Variants in ACSL3 observed in about 807,000 individuals in gnomAD.
ACSL3 encodes the protein acyl-CoA synthetase long chain family member 3, also known as fatty acid CoA ligase Acsl3.
ACSL3 carries 34 observed loss-of-function variants against 84.7 expected under a neutral mutation model. The observed-to-expected ratio is 0.40, with a 90% CI of 0.31 to 0.53. The LOEUF is 0.53. Among genes scored for constraint, ACSL3 ranks in the 20% least tolerant of loss-of-function variants. The pLI, the probability that ACSL3 is intolerant of heterozygous loss-of-function variation, is 0.48. For synonymous variants in ACSL3, 315 were observed against 299.4 expected, an observed-to-expected ratio of 1.05 and a Z score of -0.54; for missense variants, 680 against 873.1, an observed-to-expected ratio of 0.78 and a Z score of 2.79.
intron 3 of ACSL3, among the ~76,000 whole-genome samples, chr2:222,906,079 T>C (rs1696284502): frequency 6.6e-6 from 1 of 152,228 alleles, no homozygotes; most frequent in Non-Finnish European, 1.5e-5. Flanking sequence ...TTTTAGATAG[T>C]ATTTTGTAGC....
At position 222,919,075 on chromosome 2, in the gene ACSL3, T is replaced by C; in HGVS notation, c.678T>C (p.Ser226=). The C allele has an allele frequency of 6.2e-7, 1 of 1,613,710 alleles. No homozygotes were observed. The highest frequency in any genetic ancestry group is 8.5e-7 in the Non-Finnish European group (1 of 1,179,824). ...TGGTGTATTTCTAGGATATAGTTTC[T>C]TTGGTCCCACGCCTGCGGCACATCA... ...LLQTKLKDIV[S]LVPRLRHIIT... The change falls in exon 7 of 17, where the codon TCT becomes TCC. Residue 226 remains serine (S), a synonymous_variant. Transcript: ENST00000357430.
At chr2:222,878,884 G>A (rs997867073) in intron 1 of ACSL3, among the ~76,000 whole-genome samples, 1 of 152,186 alleles carries the variant, frequency 6.6e-6, no homozygotes, top group Admixed American at 6.5e-5. Flanking sequence ...AGCCTGTACA[G>A]TTGGTCCTGT....
chr2:222,896,206 C>A lies in ACSL3; in HGVS notation c.-147-4468C>A, dbSNP rs1468788157. ...ACGGGGCGGCTGGCCGACCCCCCCC[C>A]CCGCCGCCTCCCTCCCGGACGGGGC... On this transcript the variant is annotated intron_variant, in intron 2 of 16. Coordinates refer to ENST00000357430, the MANE Select transcript of ACSL3 (RefSeq NM_004457.5). Among the ~76,000 whole-genome samples the A allele has an allele frequency of 5.5e-4, 6 of 10,832 alleles. 3 individuals are homozygous for A. In the South Asian group the frequency reaches 0.077, roughly 139 times the overall value. The allele number at this position is 10,832 out of a possible 152,430, so 7.1% of individuals were successfully genotyped here.
chr2:222,882,759 C>CGGTT (rs1695621086), intron 1 of ACSL3, among the ~76,000 whole-genome samples: 1 of 60,996 alleles, frequency 1.6e-5, no homozygotes, highest in Non-Finnish European at 2.8e-5. Context: ...CTCCAGATCA[C>CGGTT]TGTTTTTTTT....
chr2:222,915,600 A>G (rs1180130132), intron 4 of ACSL3, among the ~76,000 whole-genome samples: 1 of 152,222 alleles, frequency 6.6e-6, no homozygotes, highest in Non-Finnish European at 1.5e-5. Flanking sequence ...TATGTTAAAA[A>G]ACTTCAAAAG....
intron 13 of ACSL3, among the ~76,000 whole-genome samples, chr2:222,930,310 A>G (rs2106137979): frequency 6.6e-6 from 1 of 152,328 alleles, no homozygotes; most frequent in South Asian, 2.1e-4. Context: ...GATATTTAAG[A>G]TGTTGCAGAA....
intron 16 of ACSL3, 142 bp downstream of exon 16, chr2:222,934,829 T>G: frequency 1.2e-6 from 1 of 810,180 alleles, no homozygotes; most frequent in Non-Finnish European, 1.8e-6. Flanking sequence ...AGTAAACTTA[T>G]CAGTCCCCCA....
At chr2:222,892,895 C>T (rs1423210286) in intron 2 of ACSL3, among the ~76,000 whole-genome samples, 1 of 152,116 alleles carries the variant, frequency 6.6e-6, no homozygotes, top group African/African-American at 2.4e-5. Flanking sequence ...AGAATTGTTT[C>T]CCATTTATTG....
chr2:222,922,769 C>T lies in ACSL3; in HGVS notation c.1018C>T (p.Leu340Phe), dbSNP rs1696774238. The change falls in exon 9 of 17, where the codon CTT becomes TTT. Residue 340 changes from leucine to phenylalanine, a missense_variant. Leu to Phe is a conservative substitution (Grantham distance 22, BLOSUM62 0). Around this residue, in one of 2 missense-constraint regions of ACSL3, gnomAD observed 347 missense variants for 525.7 expected, o/e 0.66. Coordinates refer to ENST00000357430, the MANE Select transcript of ACSL3 (RefSeq NM_004457.5). ...LAHVLELSAE[L>F]VCLSHGCRIG... ...CCATGTTCTAGAATTAAGTGCTGAG[C>T]TTGTCTGTCTTTCTCACGGATGCCG... 1 of 1,614,112 alleles carries T rather than the reference C, an allele frequency of 6.2e-7. No individual in the cohort carries two copies. Among genetic ancestry groups the T allele is most frequent in the Non-Finnish European group, 8.5e-7 (1 of 1,179,976 alleles).
chr2:222,888,009 T>C (rs2106100165), intron 2 of ACSL3, 121 bp downstream of exon 2: 1 of 152,340 alleles, frequency 6.6e-6, no homozygotes, highest in East Asian at 1.9e-4. Context: ...TATGATTATA[T>C]ATGGAAGATA....
chr2:222,887,350 C>T (rs1272354263), intron 1 of ACSL3, among the ~76,000 whole-genome samples: 2 of 152,144 alleles, frequency 1.3e-5, no homozygotes, highest in African/African-American at 2.4e-5. Flanking sequence ...TTGATTGCTT[C>T]CAGCTTTTGG....
intron 1 of ACSL3, among the ~76,000 whole-genome samples, chr2:222,868,670 G>C (rs1255437019): frequency 6.6e-6 from 1 of 152,128 alleles, no homozygotes; most frequent in Non-Finnish European, 1.5e-5. Context: ...GATTTGGTTG[G>C]GCATGGTGGC....
Position 222,908,926 on chromosome 2 carries a change from T to C in ACSL3, c.154T>C (p.Ser52Pro). 1.2e-6 allele frequency: 2 copies of C among 1,612,896 alleles called. No homozygotes were observed. The highest frequency in any genetic ancestry group is 1.7e-6 in the Non-Finnish European group (2 of 1,179,558). Residue 52 changes from serine to proline, a missense_variant, in exon 4 of 17, where the codon TCA (serine) becomes CCA (proline). By Grantham distance (74) the Ser-to-Pro change is moderately conservative. Around this residue, in one of 2 missense-constraint regions of ACSL3, gnomAD observed 333 missense variants for 347.5 expected, o/e 0.96. Coordinates refer to ENST00000357430, the MANE Select transcript of ACSL3 (RefSeq NM_004457.5). Reference sequence around the variant, plus strand: ...TTTCTCCGAGTCAAGACAAGAAAAATCAAACCGAATTAAAGCAAAGCCTGT... The same window carrying C: ...TTTCTCCGAGTCAAGACAAGAAAAACCAAACCGAATTAAAGCAAAGCCTGT... The part of the protein sequence containing the change: ...YFFSESRQEK[S>P]NRIKAKPVNS...
chr2:222,891,792 GTTTATC>G (rs930009056), intron 2 of ACSL3, among the ~76,000 whole-genome samples: 1 of 152,070 alleles, frequency 6.6e-6, no homozygotes, highest in African/African-American at 2.4e-5. Context: ...CCTTTCCAAT[GTTTATC>G]TTTAATGCCA....
At chr2:222,864,059 A>T (rs1332916490) in intron 1 of ACSL3, among the ~76,000 whole-genome samples, 1 of 152,120 alleles carries the variant, frequency 6.6e-6, no homozygotes, top group Admixed American at 6.5e-5. Context: ...GAAAATGGAG[A>T]TAAAAAATTG....
At chr2:222,884,586 C>T (rs1226550730) in intron 1 of ACSL3, among the ~76,000 whole-genome samples, 1 of 152,180 alleles carries the variant, frequency 6.6e-6, no homozygotes, top group East Asian at 1.9e-4. Flanking sequence ...TCTCTCTGCT[C>T]CATCTTCACG....
At chr2:222,939,364 G>A (rs187838499) in intron 16 of ACSL3, among the ~76,000 whole-genome samples, 52 of 152,176 alleles carry the variant, frequency 3.4e-4, no homozygotes, top group African/African-American at 1.2e-3. Flanking sequence ...TAATTGAAGA[G>A]GTTTGCTGGT....
intron 2 of ACSL3, 26 bp downstream of exon 2, chr2:222,887,914 A>G (rs1306530358): frequency 6.6e-6 from 1 of 152,224 alleles, no homozygotes; most frequent in African/African-American, 2.4e-5. Context: ...TTTTATTACA[A>G]TAGATTTCTT....
At chr2:222,889,927 CT>C (rs1292142010) in intron 2 of ACSL3, among the ~76,000 whole-genome samples, 1 of 152,074 alleles carries the variant, frequency 6.6e-6, no homozygotes, top group Non-Finnish European at 1.5e-5. Context: ...TCAGGAATAG[CT>C]TTTCTTAGTG....
Sources: allele counts gnomAD v4.1 joint callset (sites outside exome capture counted in the v4.1 genomes callset), GRCh38; gene constraint gnomAD v4.1.1; regional missense constraint gnomAD v4.1.1; transcripts MANE v1.5; gene names NCBI Gene and HGNC (gene_info 2026-07-23, HGNC 2026-07-21).